Variants in NR3C2 observed in about 807,000 individuals in gnomAD.
NR3C2 encodes the protein nuclear receptor subfamily 3 group C member 2.
In NR3C2, 15 loss-of-function variants were observed where a neutral mutation model predicts 86.4. That is an observed-to-expected ratio of 0.17 (90% CI 0.12 to 0.27). The LOEUF (loss-of-function observed/expected upper bound fraction) is 0.27, where lower values mean the gene tolerates loss of function less well. Among genes scored for constraint, NR3C2 ranks in the 10% least tolerant of loss-of-function variants. The pLI is 1.00. For missense variants in NR3C2, 960 were observed against 1,195.6 expected (o/e 0.80, Z 2.91); for synonymous variants, 458 against 450.5 (o/e 1.02, Z -0.21).
At chr4:148,353,203 T>C (rs1745383183) in intron 2 of NR3C2, among the ~76,000 whole-genome samples, 1 of 152,100 alleles carries the variant, frequency 6.6e-6, no homozygotes, top group Non-Finnish European at 1.5e-5. Context: ...TGCTTTATTC[T>C]AAAAAATGTA....
At chr4:148,130,768 G>A (rs900094182) in intron 6 of NR3C2, among the ~76,000 whole-genome samples, 16 of 150,710 alleles carry the variant, frequency 1.1e-4, no homozygotes, top group African/African-American at 3.7e-4. Context: ...ATCTCAAGAG[G>A]AGGCCTCTCA....
intron 3 of NR3C2, among the ~76,000 whole-genome samples, chr4:148,221,599 A>G (rs1032725176): frequency 9.8e-5 from 15 of 152,340 alleles, no homozygotes; most frequent in Admixed American, 2.0e-4. Flanking sequence ...TCAGTTTAGA[A>G]TAAGTGCTAC....
chr4:148,393,164 C>T (rs1384768579), intron 2 of NR3C2, among the ~76,000 whole-genome samples: 2 of 152,116 alleles, frequency 1.3e-5, no homozygotes, highest in Non-Finnish European at 2.9e-5. Context: ...CACATGCTTT[C>T]CTCACAGAGA....
intron 3 of NR3C2, chr4:148,201,101 C>G (rs1387175978): frequency 1.3e-5 from 2 of 152,158 alleles, no homozygotes; most frequent in African/African-American, 2.4e-5. Flanking sequence ...CACTTAGGGC[C>G]CTGGGCCTCT....
intron 3 of NR3C2, among the ~76,000 whole-genome samples, chr4:148,222,955 A>G (rs1021551808): frequency 1.3e-5 from 2 of 152,314 alleles, no homozygotes; most frequent in South Asian, 2.1e-4. Context: ...AGAAAGAGGG[A>G]GAGGAGAAAC....
Position 148,436,446 on chromosome 4 carries a change from G to C in NR3C2, c.415C>G (p.Gln139Glu). The C allele has an allele frequency of 1.9e-6, 3 of 1,614,166 alleles. No individual in the cohort carries two copies. Among genetic ancestry groups the C allele is most frequent in the Non-Finnish European group, 2.5e-6 (3 of 1,180,032 alleles). ...TTTCCTTTGTAAAATTTCACCAGCT[G>C]TTCAACATTCTGATAAATCTTAGCT... Reference protein sequence around the residue: ...SPAKIYQNVEQLVKFYKGNGH... With the variant: ...SPAKIYQNVEELVKFYKGNGH... Residue 139 changes from glutamine (Q) to glutamate (E), a missense_variant, in exon 2 of 9, where the codon CAG (glutamine) becomes GAG (glutamate). Physicochemically the swap from Gln to Glu is conservative, Grantham distance 29 (BLOSUM62 2). Coordinates refer to ENST00000358102, the MANE Select transcript of NR3C2 (RefSeq NM_000901.5).
At chr4:148,102,472 C>G (rs919336287) in intron 8 of NR3C2, among the ~76,000 whole-genome samples, 4 of 152,200 alleles carry the variant, frequency 2.6e-5, no homozygotes, top group African/African-American at 4.8e-5. Flanking sequence ...CCTGAGCCCC[C>G]TCCTCTGGGC....
At chr4:148,215,051 T>C (rs1737460830) in intron 3 of NR3C2, among the ~76,000 whole-genome samples, 2 of 152,156 alleles carry the variant, frequency 1.3e-5, no homozygotes, top group Non-Finnish European at 2.9e-5. Flanking sequence ...CTGGGCAGGA[T>C]TCTAGCCTTC....
intron 2 of NR3C2, among the ~76,000 whole-genome samples, chr4:148,328,301 A>T (rs1303114418): frequency 6.6e-6 from 1 of 152,198 alleles, no homozygotes; most frequent in African/African-American, 2.4e-5. Context: ...AGGAATCAGC[A>T]TGGGAAGAAG....
intron 2 of NR3C2, among the ~76,000 whole-genome samples, chr4:148,354,219 G>GT (rs1745439891): frequency 1.3e-5 from 2 of 152,108 alleles, no homozygotes; most frequent in South Asian, 4.2e-4. Flanking sequence ...GAACAGTTAA[G>GT]TATATTTCCT....
At chr4:148,416,079 T>A (rs1482322500) in intron 2 of NR3C2, among the ~76,000 whole-genome samples, 1 of 152,186 alleles carries the variant, frequency 6.6e-6, no homozygotes, top group Non-Finnish European at 1.5e-5. Flanking sequence ...TGATTTCCTA[T>A]AAATTTTCTT....
intron 2 of NR3C2, among the ~76,000 whole-genome samples, chr4:148,433,641 A>G (rs1749901917): frequency 6.6e-6 from 1 of 152,160 alleles, no homozygotes; most frequent in Non-Finnish European, 1.5e-5. Context: ...TATACAGTTG[A>G]GAAAACTAAA....
At chr4:148,364,042 C>T (rs376437888) in intron 2 of NR3C2, among the ~76,000 whole-genome samples, 1 of 152,158 alleles carries the variant, frequency 6.6e-6, no homozygotes, top group Admixed American at 6.5e-5. Flanking sequence ...TTCATAACTT[C>T]TGGGTAAGAT....
intron 2 of NR3C2, among the ~76,000 whole-genome samples, chr4:148,340,447 C>T (rs898741562): frequency 6.6e-6 from 1 of 152,116 alleles, no homozygotes; most frequent in African/African-American, 2.4e-5. Context: ...ATGAATAAAG[C>T]TAGACCCCTG....
At chr4:148,119,700 C>A (rs947887623) in intron 7 of NR3C2, among the ~76,000 whole-genome samples, 1 of 151,310 alleles carries the variant, frequency 6.6e-6, no homozygotes, top group Admixed American at 6.6e-5. Context: ...GCAGGAGAAT[C>A]GCTTGAACCT....
intron 2 of NR3C2, among the ~76,000 whole-genome samples, chr4:148,352,808 C>G (rs1233356224): frequency 6.6e-6 from 1 of 152,094 alleles, no homozygotes; most frequent in Admixed American, 6.5e-5. Flanking sequence ...TAGAGAGATG[C>G]AAATAATCTA....
At chr4:148,401,610 C>A (rs1748167758) in intron 2 of NR3C2, among the ~76,000 whole-genome samples, 1 of 152,002 alleles carries the variant, frequency 6.6e-6, no homozygotes, top group East Asian at 1.9e-4. Flanking sequence ...ACTGCAGGCA[C>A]CCGCCACCAC....
chr4:148,299,487 G>T (rs951515543), intron 2 of NR3C2, among the ~76,000 whole-genome samples: 2 of 152,146 alleles, frequency 1.3e-5, no homozygotes, highest in Admixed American at 1.3e-4. Context: ...AGACATGCGT[G>T]GGATGGATGG....
At chr4:148,099,890 A>C (rs764823985) in intron 8 of NR3C2, among the ~76,000 whole-genome samples, 2 of 152,088 alleles carry the variant, frequency 1.3e-5, no homozygotes, top group Non-Finnish European at 2.9e-5. Flanking sequence ...TTTCTCCCTA[A>C]AATTTTTGTT....
Sources: gnomAD v4.1 joint callset for allele counts (sites outside exome capture counted in the v4.1 genomes callset) on GRCh38, gnomAD v4.1.1 for gene constraint, MANE v1.5 for transcripts, NCBI Gene and HGNC (gene_info 2026-07-23, HGNC 2026-07-21) for gene names.